The following PITPNC1 variants were observed in gnomAD, a reference collection of about 807,000 sequenced individuals.
PITPNC1 encodes cytoplasmic phosphatidylinositol transfer protein 1.
Under a neutral mutation model 44.7 loss-of-function variants are expected in PITPNC1, and 18 were observed. That is an observed-to-expected ratio of 0.40 (90% CI 0.28 to 0.60). The LOEUF (loss-of-function observed/expected upper bound fraction) is 0.60, where lower values mean the gene tolerates loss of function less well. Among genes scored for constraint, PITPNC1 ranks in the 20% least tolerant of loss-of-function variants. PITPNC1 has a pLI of 0.39. For missense variants in PITPNC1, 290 were observed against 418.4 expected (o/e 0.69, Z 2.68); for synonymous variants, 141 against 149.6 (o/e 0.94, Z 0.42).
At chr17:67,545,717 T>C (rs1456719925) in intron 2 of PITPNC1, among the ~76,000 whole-genome samples, 1 of 152,222 alleles carries the variant, frequency 6.6e-6, no homozygotes, top group Non-Finnish European at 1.5e-5. Context: ...GTTACTTGAC[T>C]ATGTGAATAT....
intron 7 of PITPNC1, among the ~76,000 whole-genome samples, chr17:67,673,402 GACACAC>G (rs142605380): frequency 6.6e-6 from 1 of 150,852 alleles, no homozygotes; most frequent in Admixed American, 6.6e-5. Flanking sequence ...CACACACGCA[GACACAC>G]ACACACACAC....
At chr17:67,677,861 C>T (rs532136699) in intron 8 of PITPNC1, among the ~76,000 whole-genome samples, 9 of 151,658 alleles carry the variant, frequency 5.9e-5, no homozygotes, top group Admixed American at 2.6e-4. Context: ...TGAGCCACTG[C>T]GCCCGGCCTT....
At position 67,489,295 on chromosome 17, in the gene PITPNC1, C is replaced by A. The variant is rs541984902; in HGVS notation, c.49-43507C>A. ...ACAGATGTGGTATGGAAGAGTGGCCCTGTTCCAGGGTGAGATCACCAGTGT... is the reference window on the plus strand; with the variant it reads ...ACAGATGTGGTATGGAAGAGTGGCCATGTTCCAGGGTGAGATCACCAGTGT... On this transcript the variant is annotated intron_variant, in intron 1 of 8. Transcript: ENST00000581322. Among the ~76,000 whole-genome samples, 15 of 152,348 alleles carry A rather than the reference C, an allele frequency of 9.8e-5. No homozygotes were observed. In the Middle Eastern group the frequency reaches 0.014, roughly 138 times the overall value.
chr17:67,496,279 C>A (rs539945135), intron 1 of PITPNC1, among the ~76,000 whole-genome samples: 19 of 152,312 alleles, frequency 1.2e-4, no homozygotes, highest in Non-Finnish European at 1.5e-4. Flanking sequence ...TCATTTCCTC[C>A]TACTCTTTAC....
At chr17:67,654,960 G>A (rs1037448527) in intron 6 of PITPNC1, among the ~76,000 whole-genome samples, 2 of 152,110 alleles carry the variant, frequency 1.3e-5, no homozygotes, top group African/African-American at 4.8e-5. Flanking sequence ...TTCTACAGAT[G>A]GGGAGATGGA....
chr17:67,550,075 T>A (rs945255698), intron 2 of PITPNC1, among the ~76,000 whole-genome samples: 1 of 152,186 alleles, frequency 6.6e-6, no homozygotes, highest in African/African-American at 2.4e-5. Context: ...CCAACTTCGG[T>A]GATGGATGGA....
At position 67,416,262 on chromosome 17, in the gene PITPNC1, T is replaced by C. The variant is rs188601245; in HGVS notation, c.48+38060T>C. On this transcript the variant is annotated intron_variant, in intron 1 of 8. Coordinates refer to ENST00000581322, the MANE Select transcript of PITPNC1 (RefSeq NM_012417.4). ...TCTCGCTCTGTTGTCCATGCTGGAG[T>C]GCAGTGGTGCAATCTCGGCTCACTG... 3.1e-3 allele frequency among the ~76,000 whole-genome samples: 427 copies of C among 136,306 alleles called. 3 individuals carry two copies. The highest frequency in any genetic ancestry group is 0.012 in the African/African-American group (414 of 35,686). 89.4% of individuals were successfully genotyped at this position (136,306 alleles called of 152,430 possible).
In PITPNC1 at chr17:67,500,134, C is replaced by T. The variant is rs1209586167; in HGVS notation, c.49-32668C>T. On this transcript the variant is annotated intron_variant, in intron 1 of 8. Coordinates refer to ENST00000581322, the MANE Select transcript of PITPNC1 (RefSeq NM_012417.4). ...ATTTTAAACAATTAGTTTTAGTTCT[C>T]TTAGCTACCTCTAGTTATTGCATTT... is the stretch of plus-strand genomic sequence containing the variant. Among the ~76,000 whole-genome samples the T allele has an allele frequency of 2.6e-5, 4 of 152,290 alleles. No individual in the cohort carries two copies. The East Asian group carries it at 7.7e-4, about 29-fold the overall frequency.
At chr17:67,639,383 C>A (rs1300466098) in intron 6 of PITPNC1, among the ~76,000 whole-genome samples, 1 of 152,240 alleles carries the variant, frequency 6.6e-6, no homozygotes, top group African/African-American at 2.4e-5. Flanking sequence ...CTGTCTTCTA[C>A]TGCCTTTTGA....
At chr17:67,575,173 A>G (rs1005597058) in intron 4 of PITPNC1, among the ~76,000 whole-genome samples, 4 of 151,690 alleles carry the variant, frequency 2.6e-5, no homozygotes, top group African/African-American at 9.7e-5. Flanking sequence ...ATTATGGGAT[A>G]AAAAATACAA....
At chr17:67,492,753 A>T (rs898006786) in intron 1 of PITPNC1, among the ~76,000 whole-genome samples, 1 of 152,118 alleles carries the variant, frequency 6.6e-6, no homozygotes, top group African/African-American at 2.4e-5. Context: ...TAATAAATGG[A>T]ATCTTACGGT....
intron 1 of PITPNC1, among the ~76,000 whole-genome samples, chr17:67,403,586 G>T (rs930150774): frequency 1.3e-5 from 2 of 152,194 alleles, no homozygotes; most frequent in Admixed American, 6.5e-5. Flanking sequence ...AGTGGGCCAG[G>T]CCCAATGTGT....
chr17:67,403,034 T>C (rs1334660657), intron 1 of PITPNC1, among the ~76,000 whole-genome samples: 1 of 152,086 alleles, frequency 6.6e-6, no homozygotes, highest in African/African-American at 2.4e-5. Flanking sequence ...TCGTGGCAGA[T>C]GTGATAAGCA....
chr17:67,664,669 C>T (rs1233372562), intron 6 of PITPNC1, among the ~76,000 whole-genome samples: 1 of 151,994 alleles, frequency 6.6e-6, no homozygotes, highest in Non-Finnish European at 1.5e-5. Context: ...TTCGGGAGGT[C>T]GAGGCGGGCA....
At chr17:67,408,412 C>T (rs2038432573) in intron 1 of PITPNC1, among the ~76,000 whole-genome samples, 1 of 152,034 alleles carries the variant, frequency 6.6e-6, no homozygotes, top group South Asian at 2.1e-4. Flanking sequence ...TGCCTGTAAT[C>T]CCAGCTACTC....
At chr17:67,637,008 G>T (rs974583873) in intron 6 of PITPNC1, among the ~76,000 whole-genome samples, 1 of 152,142 alleles carries the variant, frequency 6.6e-6, no homozygotes. Context: ...CACCACTGCT[G>T]GTCTGGAGGC....
At chr17:67,614,900 G>T (rs974680469) in intron 5 of PITPNC1, among the ~76,000 whole-genome samples, 2 of 151,960 alleles carry the variant, frequency 1.3e-5, no homozygotes, top group African/African-American at 4.8e-5. Flanking sequence ...ATTGATTCAC[G>T]AGAGTATATG....
chr17:67,587,775 TAGAG>T (rs929898617), intron 5 of PITPNC1, among the ~76,000 whole-genome samples: 5 of 152,218 alleles, frequency 3.3e-5, no homozygotes, highest in African/African-American at 7.2e-5. Context: ...AAGATTTACT[TAGAG>T]AGATCTAATT....
intron 1 of PITPNC1, among the ~76,000 whole-genome samples, chr17:67,472,402 CTT>C (rs1367368605): frequency 1.5e-5 from 2 of 135,524 alleles, no homozygotes; most frequent in African/African-American, 5.4e-5. Context: ...AATCCCAACA[CTT>C]TGGGAGGCCG....
Sources: allele counts gnomAD v4.1 joint callset (sites outside exome capture counted in the v4.1 genomes callset), GRCh38; gene constraint gnomAD v4.1.1; transcripts MANE v1.5; gene names NCBI Gene and HGNC (gene_info 2026-07-23, HGNC 2026-07-21).